FOXJ3: variants seen among roughly 807,000 people sequenced by gnomAD.
The protein encoded by FOXJ3 is forkhead box protein J3.
A neutral mutation model predicts 76.1 loss-of-function variants in FOXJ3; 22 were observed. That is an observed-to-expected ratio of 0.29 (90% CI 0.21 to 0.41). FOXJ3 has a LOEUF of 0.41. Ranked by LOEUF, FOXJ3 falls within the 10% of genes least tolerant of loss-of-function variation. The pLI is 1.00. For missense variants in FOXJ3, 613 were observed against 762.1 expected, an observed-to-expected ratio of 0.80 and a Z score of 2.30; for synonymous variants, 269 against 261.2, an observed-to-expected ratio of 1.03 and a Z score of -0.29.
intron 6 of FOXJ3, 119 bp from the exon 7 acceptor site, chr1:42,199,349 G>C: frequency 1.3e-6 from 1 of 751,874 alleles, no homozygotes. Flanking sequence ...CCTTTCCCTA[G>C]GTGCTCACCC....
chr1:42,249,570 G>A (rs1312814331), intron 4 of FOXJ3, among the ~76,000 whole-genome samples: 1 of 152,148 alleles, frequency 6.6e-6, no homozygotes, highest in East Asian at 1.9e-4. Flanking sequence ...TCTTAAAATG[G>A]CAAAAAATTA....
intron 11 of FOXJ3, among the ~76,000 whole-genome samples, chr1:42,186,546 A>T (rs1646440163): frequency 6.6e-6 from 1 of 152,120 alleles, no homozygotes; most frequent in Admixed American, 6.5e-5. Flanking sequence ...AATTAACAGA[A>T]TCACAGAACA....
intron 4 of FOXJ3, among the ~76,000 whole-genome samples, chr1:42,234,480 T>C (rs576918131): frequency 1.6e-4 from 25 of 152,298 alleles, no homozygotes; most frequent in African/African-American, 5.1e-4. Flanking sequence ...GGCGCTCTGA[T>C]TTTTAGAGTT....
intron 1 of FOXJ3, among the ~76,000 whole-genome samples, chr1:42,317,395 G>A (rs1655176750): frequency 6.6e-6 from 1 of 151,970 alleles, no homozygotes; most frequent in African/African-American, 2.4e-5. Context: ...TGAAGGCAGA[G>A]GTGCATCTTG....
intron 2 of FOXJ3, among the ~76,000 whole-genome samples, chr1:42,305,203 C>A (rs1654382538): frequency 1.3e-5 from 2 of 152,100 alleles, no homozygotes; most frequent in Non-Finnish European, 2.9e-5. Context: ...GTCATCTCAC[C>A]CCAGATAAAA....
At chr1:42,264,970 A>C (rs1651354996) in intron 4 of FOXJ3, 145 bp downstream of exon 4, 1 of 697,864 alleles carries the variant, frequency 1.4e-6, no homozygotes, top group South Asian at 1.6e-5. Flanking sequence ...CACAGCTTAA[A>C]ACTCTCTAAC....
chr1:42,184,128 CTT>C (rs1353644275), intron 11 of FOXJ3, among the ~76,000 whole-genome samples: 1 of 152,098 alleles, frequency 6.6e-6, no homozygotes, highest in Admixed American at 6.5e-5. Flanking sequence ...GCCTAGTGTA[CTT>C]TGTAAAGACT....
At chr1:42,311,435 C>T (rs1654802793) in intron 1 of FOXJ3, among the ~76,000 whole-genome samples, 1 of 152,112 alleles carries the variant, frequency 6.6e-6, no homozygotes, top group Admixed American at 6.5e-5. Context: ...ATGGCTATGT[C>T]ATAAAGTGTC....
At chr1:42,301,349 C>T (rs1007481761) in intron 2 of FOXJ3, among the ~76,000 whole-genome samples, 6 of 152,050 alleles carry the variant, frequency 3.9e-5, no homozygotes, top group Admixed American at 2.6e-4. Flanking sequence ...TCACACGCCA[C>T]AATGCCCTGC....
intron 1 of FOXJ3, among the ~76,000 whole-genome samples, chr1:42,314,471 C>T (rs2124763828): frequency 6.6e-6 from 1 of 152,352 alleles, no homozygotes; most frequent in Non-Finnish European, 1.5e-5. Flanking sequence ...TGGTCTTGAA[C>T]TGCTGACCTC....
chr1:42,215,968 A>C (rs955079387), intron 5 of FOXJ3, among the ~76,000 whole-genome samples: 2 of 152,138 alleles, frequency 1.3e-5, no homozygotes, highest in African/African-American at 4.8e-5. Flanking sequence ...CCTGGTCAAC[A>C]TAGTGAGACA....
intron 4 of FOXJ3, 139 bp downstream of exon 4, chr1:42,264,976 C>CT: frequency 1.4e-6 from 1 of 712,470 alleles, no homozygotes; most frequent in Non-Finnish European, 2.6e-6. Flanking sequence ...TTAAAACTCT[C>CT]TAACAAGCTT....
intron 4 of FOXJ3, among the ~76,000 whole-genome samples, chr1:42,254,910 C>G (rs1650455656): frequency 6.7e-6 from 1 of 150,204 alleles, no homozygotes; most frequent in South Asian, 2.1e-4. Flanking sequence ...CACATGTACA[C>G]ATATGTAACT....
intron 10 of FOXJ3, 126 bp downstream of exon 10, chr1:42,189,177 T>C: frequency 1.4e-6 from 1 of 722,584 alleles, no homozygotes; most frequent in Non-Finnish European, 2.3e-6. Context: ...TTATTATGAA[T>C]TTTACCAACT....
chr1:42,310,896 T>C (rs1654765601), intron 2 of FOXJ3, among the ~76,000 whole-genome samples, 154 bp downstream of exon 2: 1 of 152,142 alleles, frequency 6.6e-6, no homozygotes, highest in Non-Finnish European at 1.5e-5. Context: ...TAAGCAGAAA[T>C]ATCATTCCAT....
intron 4 of FOXJ3, among the ~76,000 whole-genome samples, chr1:42,260,192 A>G (rs1297425708): frequency 1.3e-5 from 2 of 152,184 alleles, no homozygotes; most frequent in African/African-American, 4.8e-5. Flanking sequence ...TCATCATTTA[A>G]TGTTATATTT....
chr1:42,181,878 C>A (rs373534101), intron 12 of FOXJ3, 39 bp downstream of exon 12: 140 of 1,350,038 alleles, frequency 1.0e-4, no homozygotes, highest in Non-Finnish European at 1.4e-4. Context: ...CACACACACA[C>A]ACACACACAC....
chr1:42,187,699 G>A (rs1291224454), intron 11 of FOXJ3, among the ~76,000 whole-genome samples: 3 of 152,082 alleles, frequency 2.0e-5, no homozygotes, highest in Non-Finnish European at 4.4e-5. Flanking sequence ...AGACAAAGAA[G>A]CTATAAAGTT....
intron 4 of FOXJ3, among the ~76,000 whole-genome samples, chr1:42,257,109 T>G (rs1038120875): frequency 2.6e-5 from 4 of 152,246 alleles, no homozygotes; most frequent in African/African-American, 9.6e-5. Context: ...CTCTAAATTC[T>G]TTAAAGCAAT....
Sources: allele counts gnomAD v4.1 joint callset (sites outside exome capture counted in the v4.1 genomes callset), GRCh38; gene constraint gnomAD v4.1.1; transcripts MANE v1.5; gene names NCBI Gene and HGNC (gene_info 2026-07-23, HGNC 2026-07-21).